SIK2: variants seen among roughly 807,000 people sequenced by gnomAD.
SIK2 encodes the protein salt inducible kinase 2.
In SIK2, 29 loss-of-function variants were observed where a neutral mutation model predicts 103.2. The observed-to-expected ratio is 0.28, with a 90% CI of 0.21 to 0.38. SIK2 has a LOEUF of 0.38. Among genes scored for constraint, SIK2 ranks in the 10% least tolerant of loss-of-function variants. The probability of loss-of-function intolerance (pLI) is 1.00; values close to 1 mark genes in which losing one functional copy is unlikely to be tolerated. For synonymous variants in SIK2, 412 were observed against 446.1 expected, an observed-to-expected ratio of 0.92 and a Z score of 0.96; for missense variants, 879 against 1,171.0, an observed-to-expected ratio of 0.75 and a Z score of 3.64.
chr11:111,679,539 G>C (rs139224856), intron 3 of SIK2, among the ~76,000 whole-genome samples: 1 of 152,272 alleles, frequency 6.6e-6, no homozygotes, highest in African/African-American at 2.4e-5. Context: ...ACAATCTGTA[G>C]TTTTATATTC....
intron 1 of SIK2, among the ~76,000 whole-genome samples, chr11:111,614,180 C>T (rs1251756173): frequency 6.6e-6 from 1 of 151,002 alleles, no homozygotes; most frequent in Non-Finnish European, 1.5e-5. Flanking sequence ...CTCCCAGGTT[C>T]AAGCGATTCT....
chr11:111,640,111 C>T (rs1942161042), intron 3 of SIK2, among the ~76,000 whole-genome samples: 1 of 152,184 alleles, frequency 6.6e-6, no homozygotes, highest in Non-Finnish European at 1.5e-5. Context: ...CAATACTTCA[C>T]CATTGGGCAT....
intron 4 of SIK2, 149 bp from the exon 5 acceptor site, chr11:111,700,737 G>A (rs1373241250): frequency 7.7e-6 from 7 of 904,230 alleles, no homozygotes; most frequent in Non-Finnish European, 9.8e-6. Flanking sequence ...GCTAATGCCA[G>A]GGAAACATCA....
At chr11:111,672,092 G>T in intron 3 of SIK2, 1 of 493,522 alleles carries the variant, frequency 2.0e-6, no homozygotes, top group South Asian at 1.6e-5. Flanking sequence ...TTCTTGTCAA[G>T]GGTCTTGATC....
rs1244791821 is a variant in SIK2, at chr11:111,722,551, G to A, written c.2056-114G>A. ...GAGTAAATGTCAGTCCCTTCACCCCGTGTGGATTCTGTAGAATGCAGTTAG... is the reference window on the plus strand; with the variant it reads ...GAGTAAATGTCAGTCCCTTCACCCCATGTGGATTCTGTAGAATGCAGTTAG... On this transcript the variant is annotated intron_variant, in intron 13 of 14. Transcript: ENST00000304987. This position sits in a 1 kb window ranked among gnomAD's most constrained non-coding sequence, Gnocchi z 4.4. 8.0e-6 allele frequency: 8 copies of A among 1,004,428 alleles called. No homozygotes were observed. Among genetic ancestry groups the A allele is most frequent in the African/African-American group, 4.8e-5 (3 of 62,084 alleles). The allele number at this position is 1,004,428 out of a possible 1,614,324, so 62.2% of individuals were successfully genotyped here.
At chr11:111,721,490 C>T (rs1180819382) in intron 12 of SIK2, among the ~76,000 whole-genome samples, 5 of 152,216 alleles carry the variant, frequency 3.3e-5, no homozygotes, top group African/African-American at 1.2e-4. Context: ...ACTAAAAATA[C>T]AATAAATACT....
Position 111,616,298 on chromosome 11 carries a change from T to C in SIK2, c.191T>C (p.Ile64Thr). The part of the protein sequence containing the change: ...SQLDAVNLEK[I>T]YREVQIMKML... ...CTGGATGCAGTGAACCTTGAGAAAA[T>C]CTACCGAGAAGTACAAATAATGAAA... The change falls in exon 2 of 15, where the codon ATC becomes ACC. Residue 64 changes from isoleucine to threonine, a missense_variant. By Grantham distance (89) the Ile-to-Thr change is moderately conservative. Coordinates refer to ENST00000304987, the MANE Select transcript of SIK2 (RefSeq NM_015191.3). 1.9e-6 allele frequency: 3 copies of C among 1,613,820 alleles called. No individual in the cohort carries two copies. The highest frequency in any genetic ancestry group is 2.5e-6 in the Non-Finnish European group (3 of 1,179,870).
At chr11:111,620,831 T>C (rs1358303216) in intron 3 of SIK2, among the ~76,000 whole-genome samples, 1 of 152,212 alleles carries the variant, frequency 6.6e-6, no homozygotes, top group Non-Finnish European at 1.5e-5. Context: ...TCTTACAGTT[T>C]AGTAAAGTAT....
intron 3 of SIK2, among the ~76,000 whole-genome samples, chr11:111,639,843 G>A (rs576150337): frequency 3.9e-4 from 59 of 152,250 alleles, no homozygotes; most frequent in African/African-American, 1.2e-3. Context: ...AAGTATTTCT[G>A]GGCTGGATAT....
intron 3 of SIK2, among the ~76,000 whole-genome samples, chr11:111,621,813 C>G (rs1391034563): frequency 6.6e-6 from 1 of 151,978 alleles, no homozygotes; most frequent in Non-Finnish European, 1.5e-5. Context: ...ACTAGGCAGG[C>G]TGAGGCAGGA....
intron 3 of SIK2, among the ~76,000 whole-genome samples, chr11:111,682,918 A>G (rs894780732): frequency 9.2e-5 from 14 of 152,224 alleles, no homozygotes; most frequent in Non-Finnish European, 2.1e-4. Context: ...ATTTTTGTAA[A>G]ATGGCAGTAA....
intron 2 of SIK2, among the ~76,000 whole-genome samples, chr11:111,619,963 A>G (rs766631408): frequency 6.6e-6 from 1 of 152,206 alleles, no homozygotes; most frequent in African/African-American, 2.4e-5. Flanking sequence ...TGAAAAGTAG[A>G]TCTTCAAAAC....
At chr11:111,626,911 A>T (rs1591593118) in intron 3 of SIK2, among the ~76,000 whole-genome samples, 1 of 152,080 alleles carries the variant, frequency 6.6e-6, no homozygotes, top group Non-Finnish European at 1.5e-5. Flanking sequence ...TTACACAGCA[A>T]CCCTGTTTTA....
intron 3 of SIK2, among the ~76,000 whole-genome samples, chr11:111,651,660 T>C (rs1297496827): frequency 6.6e-6 from 1 of 152,194 alleles, no homozygotes; most frequent in Admixed American, 6.5e-5. Flanking sequence ...AACCTGCACA[T>C]CCTGCACGTG....
At chr11:111,610,454 G>A (rs1219512066) in intron 1 of SIK2, among the ~76,000 whole-genome samples, 2 of 148,514 alleles carry the variant, frequency 1.3e-5, no homozygotes, top group Non-Finnish European at 3.0e-5. Flanking sequence ...TCGCACCACT[G>A]CACTCCAGCA....
intron 1 of SIK2, among the ~76,000 whole-genome samples, chr11:111,614,137 A>C (rs1378253198): frequency 6.8e-6 from 1 of 147,696 alleles, no homozygotes; most frequent in Non-Finnish European, 1.5e-5. Context: ...ACTGGAGCGC[A>C]GTGGCACGAT....
chr11:111,723,780 C>T lies in SIK2; in HGVS notation c.2432C>T (p.Ala811Val), dbSNP rs1222749548. The T allele has an allele frequency of 6.2e-6, 10 of 1,614,014 alleles. No homozygotes were observed. The highest frequency in any genetic ancestry group is 8.5e-6 in the Non-Finnish European group (10 of 1,180,030). ...CCCTCCACTTCCGGTCCCCGGGCTG[C>T]TCCTCCTCTGCCCACGCAGCTACAG... The part of the protein sequence containing the change: ...PLPSTSGPRA[A>V]PPLPTQLQQQ... The change falls in exon 15 of 15, where the codon GCT becomes GTT. Residue 811 changes from alanine to valine, a missense_variant. Physicochemically the swap from Ala to Val is moderately conservative, Grantham distance 64. Around this residue, in one of 7 missense-constraint regions of SIK2, gnomAD observed 375 missense variants for 416.3 expected, o/e 0.90. Coordinates refer to ENST00000304987, the MANE Select transcript of SIK2 (RefSeq NM_015191.3).
chr11:111,729,970 A>G lies in SIK2; in HGVS notation c.*5841A>G, dbSNP rs1242245484. 1.3e-5 allele frequency: 2 copies of G among 152,282 alleles called. No homozygotes were observed. The highest frequency in any genetic ancestry group is 2.4e-5 in the African/African-American group (1 of 41,402). 9.4% of individuals were successfully genotyped at this position (152,282 alleles called of 1,614,324 possible). On this transcript the variant is annotated 3_prime_UTR_variant, in exon 15 of 15. Coordinates refer to ENST00000304987, the MANE Select transcript of SIK2 (RefSeq NM_015191.3). The stretch of plus-strand genomic sequence containing the variant: ...CCTTCCTCAATTGCCAAGGGGCCGC[A>G]TCGCACGGCATCAGGCCACCACTGC...
In SIK2 at chr11:111,725,955, T is replaced by C. The variant is rs1943951362; in HGVS notation, c.*1826T>C. On this transcript the variant is annotated 3_prime_UTR_variant, in exon 15 of 15. Transcript: ENST00000304987. ...GTGATTTAATAACACACAGTGAAAA[T>C]CCAGGAAGAATGAATTAAGCTTCTT... 6.6e-6 allele frequency: 1 copy of C among 152,174 alleles called. No homozygotes were observed. The highest frequency in any genetic ancestry group is 1.9e-4 in the East Asian group (1 of 5,200). The allele number at this position is 152,174 out of a possible 1,614,324, so 9.4% of individuals were successfully genotyped here. A position where few individuals can be genotyped will look rare whatever the true frequency, so the allele number is the denominator to read the frequency against.
Sources: allele counts gnomAD v4.1 joint callset (sites outside exome capture counted in the v4.1 genomes callset), GRCh38; gene constraint gnomAD v4.1.1; regional missense constraint gnomAD v4.1.1; non-coding constraint Gnocchi (gnomAD v3.1); transcripts MANE v1.5; gene names NCBI Gene and HGNC (gene_info 2026-07-23, HGNC 2026-07-21).